The following PIP5K1B variants were observed in gnomAD, a reference collection of about 807,000 sequenced individuals.
PIP5K1B encodes the protein phosphatidylinositol 4-phosphate 5-kinase type-1 beta.
In PIP5K1B, 42 loss-of-function variants were observed where a neutral mutation model predicts 67.0. The ratio of observed to expected loss-of-function variants is 0.63; its 90% CI spans 0.49 to 0.81. The LOEUF (loss-of-function observed/expected upper bound fraction) is 0.81, where lower values mean the gene tolerates loss of function less well. Among genes scored for constraint, PIP5K1B ranks in the 30% least tolerant of loss-of-function variants. The pLI is 0.00. For missense variants in PIP5K1B, 459 were observed against 646.3 expected, an observed-to-expected ratio of 0.71 and a Z score of 3.14; for synonymous variants, 214 against 231.4, an observed-to-expected ratio of 0.92 and a Z score of 0.68.
At chr9:68,778,135 A>G (rs1831015721) in intron 2 of PIP5K1B, among the ~76,000 whole-genome samples, 1 of 152,228 alleles carries the variant, frequency 6.6e-6, no homozygotes. Flanking sequence ...GAAATTCAGA[A>G]AAAACAATAC....
intron 1 of PIP5K1B, among the ~76,000 whole-genome samples, chr9:68,708,990 TG>T (rs1286046985): frequency 6.6e-6 from 1 of 152,202 alleles, no homozygotes; most frequent in African/African-American, 2.4e-5. Flanking sequence ...GACTTACTTA[TG>T]GTCACAAAGA....
intron 4 of PIP5K1B, among the ~76,000 whole-genome samples, chr9:68,826,659 C>T (rs1834001310): frequency 6.6e-6 from 1 of 152,096 alleles, no homozygotes; most frequent in African/African-American, 2.4e-5. Context: ...GACCTTACAA[C>T]TTATTTGGGA....
At chr9:68,759,620 C>G (rs942712268) in intron 2 of PIP5K1B, among the ~76,000 whole-genome samples, 2 of 151,954 alleles carry the variant, frequency 1.3e-5, no homozygotes, top group African/African-American at 4.8e-5. Flanking sequence ...TATAAATGTT[C>G]TAAACACACC....
chr9:68,848,216 C>A (rs78382168), intron 4 of PIP5K1B, among the ~76,000 whole-genome samples: 1 of 152,182 alleles, frequency 6.6e-6, no homozygotes, highest in South Asian at 2.1e-4. Flanking sequence ...TCCATTCATT[C>A]CCCATCAAAA....
At chr9:68,938,726 G>A in intron 13 of PIP5K1B, among the ~76,000 whole-genome samples, 1 of 152,206 alleles carries the variant, frequency 6.6e-6, no homozygotes, top group East Asian at 1.9e-4. Context: ...GTTGTCGGCA[G>A]AATTCAGCTC....
At chr9:68,744,659 T>C (rs1415747320) in intron 2 of PIP5K1B, among the ~76,000 whole-genome samples, 1 of 152,130 alleles carries the variant, frequency 6.6e-6, no homozygotes, top group Non-Finnish European at 1.5e-5. Flanking sequence ...GGAAGGAGTG[T>C]AGGAAAGCTT....
intron 2 of PIP5K1B, among the ~76,000 whole-genome samples, chr9:68,771,091 A>AG (rs1380752874): frequency 1.3e-5 from 2 of 152,190 alleles, no homozygotes; most frequent in African/African-American, 4.8e-5. Flanking sequence ...GACTTCATCA[A>AG]GCATCCTAGC....
At chr9:68,968,523 T>C (rs1829161696) in intron 14 of PIP5K1B, among the ~76,000 whole-genome samples, 1 of 145,034 alleles carries the variant, frequency 6.9e-6, no homozygotes, top group African/African-American at 2.5e-5. Flanking sequence ...AAAAAAAACC[T>C]GTTCTAATAA....
intron 11 of PIP5K1B, among the ~76,000 whole-genome samples, chr9:68,922,654 A>G (rs919686822): frequency 6.6e-6 from 1 of 152,122 alleles, no homozygotes; most frequent in Non-Finnish European, 1.5e-5. Flanking sequence ...CTGGATTTGT[A>G]ATCAAATGAC....
At chr9:68,831,129 C>T (rs557335909) in intron 4 of PIP5K1B, among the ~76,000 whole-genome samples, 2 of 152,310 alleles carry the variant, frequency 1.3e-5, no homozygotes, top group South Asian at 2.1e-4. Context: ...TCGTAGGGAA[C>T]ATACCTTGTG....
rs1372727218 is a variant in PIP5K1B at position 69,008,959 on chromosome 9, T to G, written c.*510T>G. ...TCAATATACTAGGTCTGCCTTCACT[T>G]TATAGAAAACTAGCTTCTATAAAGA... On this transcript the variant is annotated 3_prime_UTR_variant, in exon 16 of 16. Transcript: ENST00000265382. 2 of 155,564 alleles carry G rather than the reference T, an allele frequency of 1.3e-5. No individual in the cohort carries two copies. The highest frequency in any genetic ancestry group is 4.8e-5 in the African/African-American group (2 of 41,478). The allele number at this position is 155,564 out of a possible 1,614,324, so 9.6% of individuals were successfully genotyped here.
At chr9:68,965,345 A>G (rs7853569) in intron 14 of PIP5K1B, among the ~76,000 whole-genome samples, 3,412 of 152,300 alleles carry the variant, frequency 0.022, 131 homozygotes, top group African/African-American at 0.077. Flanking sequence ...TAACGTTCTA[A>G]TAGAGTTTAA....
Position 68,919,735 on chromosome 9 carries a change from T to C in PIP5K1B, c.1116+6T>C, listed in dbSNP as rs1352272973. On this transcript the variant is annotated splice_donor_region_variant and intron_variant, in intron 11 of 15. Transcript: ENST00000265382. The stretch of plus-strand genomic sequence containing the variant: ...AAGCTCTTGTTTATGATGGGGTAAG[T>C]GACTTATTTTCCTTATTATACTGTA... The C allele has an allele frequency of 6.6e-7, 1 of 1,508,752 alleles. No homozygotes were observed. The highest frequency in any genetic ancestry group is 9.2e-7 in the Non-Finnish European group (1 of 1,085,988). The allele number at this position is 1,508,752 out of a possible 1,614,324, so 93.5% of individuals were successfully genotyped here.
rs750644171 is a variant in PIP5K1B at position 68,754,171 on chromosome 9, A to ATTTTTTTTTTTTTTTT, written c.-86+11517_-86+11518insTTTTTTTTTTTTTTTT. 7.4e-4 allele frequency among the ~76,000 whole-genome samples: 41 copies of ATTTTTTTTTTTTTTTT among 55,584 alleles called. 5 individuals are homozygous for ATTTTTTTTTTTTTTTT. Among genetic ancestry groups the ATTTTTTTTTTTTTTTT allele is most frequent in the African/African-American group, 2.8e-3 (33 of 11,726 alleles). The allele number at this position is 55,584 out of a possible 152,430, so 36.5% of individuals were successfully genotyped here. A position where few individuals can be genotyped will look rare whatever the true frequency, so the allele number is the denominator to read the frequency against. On this transcript the variant is annotated intron_variant, in intron 2 of 15. Coordinates refer to ENST00000265382, the MANE Select transcript of PIP5K1B (RefSeq NM_003558.4). ...TTTAAGTCTTCTTTTATGTTCCATGATTTCTTTTTTTTTTTTGAGACAGAG... is the reference window on the plus strand; with the variant it reads ...TTTAAGTCTTCTTTTATGTTCCATGATTTTTTTTTTTTTTTTTTTCTTTTTTTTTTTTGAGACAGAG...
chr9:68,866,399 A>T (rs1377981944), intron 5 of PIP5K1B, among the ~76,000 whole-genome samples: 1 of 152,102 alleles, frequency 6.6e-6, no homozygotes, highest in Non-Finnish European at 1.5e-5. Flanking sequence ...TTATTAAGTG[A>T]TACACGTGTG....
At chr9:68,907,650 A>G (rs1257159874) in intron 8 of PIP5K1B, among the ~76,000 whole-genome samples, 1 of 152,168 alleles carries the variant, frequency 6.6e-6, no homozygotes, top group Non-Finnish European at 1.5e-5. Context: ...ATCCTAGAGC[A>G]TGGATCAGCC....
chr9:68,739,786 A>C (rs1320720178), intron 1 of PIP5K1B: 2 of 152,118 alleles, frequency 1.3e-5, no homozygotes, highest in Non-Finnish European at 2.9e-5. Flanking sequence ...CCCTAAACTC[A>C]TGTGACCTGC....
At chr9:68,868,561 G>A (rs913664348) in intron 5 of PIP5K1B, among the ~76,000 whole-genome samples, 3 of 152,126 alleles carry the variant, frequency 2.0e-5, no homozygotes, top group African/African-American at 4.8e-5. Context: ...CTACATTGTG[G>A]CAATAAAGCA....
At chr9:68,972,071 T>A (rs538332753) in intron 14 of PIP5K1B, among the ~76,000 whole-genome samples, 1 of 152,368 alleles carries the variant, frequency 6.6e-6, no homozygotes, top group East Asian at 1.9e-4. Context: ...CATGTCTATG[T>A]CCTGAATGGT....
Sources: allele counts gnomAD v4.1 joint callset (sites outside exome capture counted in the v4.1 genomes callset), GRCh38; gene constraint gnomAD v4.1.1; transcripts MANE v1.5; gene names NCBI Gene and HGNC (gene_info 2026-07-23, HGNC 2026-07-21).